The following ATAD2B variants were observed in gnomAD, a reference collection of about 807,000 sequenced individuals.
The protein encoded by ATAD2B is ATPase family AAA domain-containing protein 2B.
ATAD2B carries 40 observed loss-of-function variants against 167.6 expected under a neutral mutation model. The observed-to-expected ratio is 0.24, with a 90% CI of 0.19 to 0.31. The LOEUF (loss-of-function observed/expected upper bound fraction) is 0.31. Among genes scored for constraint, ATAD2B ranks in the 10% least tolerant of loss-of-function variants. ATAD2B has a pLI of 1.00. For missense variants in ATAD2B, 1,242 were observed against 1,757.2 expected, an observed-to-expected ratio of 0.71 and a Z score of 5.24; for synonymous variants, 579 against 596.5, an observed-to-expected ratio of 0.97 and a Z score of 0.43.
chr2:23,918,028 CAA>C lies in ATAD2B; in HGVS notation c.216+8525_216+8526del, dbSNP rs1191822718. Among the ~76,000 whole-genome samples the C allele has an allele frequency of 2.6e-5, 4 of 151,322 alleles. No individual in the cohort carries two copies. The East Asian group carries it at 5.8e-4, about 22-fold the overall frequency. On this transcript the variant is annotated intron_variant, in intron 1 of 27. Transcript: ENST00000238789. ...AGTCATTGAACTCCAGCCTGGGCAA[CAA>C]GAGCGAAACTCCATCTCAAAAAAAA...
intron 1 of ATAD2B, among the ~76,000 whole-genome samples, chr2:23,903,996 G>A (rs1463332596): frequency 6.6e-6 from 1 of 152,082 alleles, no homozygotes; most frequent in Admixed American, 6.6e-5. Flanking sequence ...CAGGGAACAG[G>A]TGATGACGGG....
chr2:23,680,851 A>C, the ATAD2B span, among the ~76,000 whole-genome samples: 1 of 151,970 alleles, frequency 6.6e-6, no homozygotes, highest in Admixed American at 6.5e-5. The surrounding 1 kb of genome is among the most constrained non-coding windows in gnomAD (Gnocchi z 4.1). Context: ...AGAATCCTGG[A>C]GCAGGATAGT....
At chr2:23,713,851 T>G in the ATAD2B span, among the ~76,000 whole-genome samples, 1 of 152,228 alleles carries the variant, frequency 6.6e-6, no homozygotes, top group Non-Finnish European at 1.5e-5. Flanking sequence ...ATTGAACATT[T>G]GGGTTATTTC....
Position 23,867,860 on chromosome 2 carries a change from A to C in ATAD2B, c.1163T>G (p.Val388Gly). 1 of 1,612,748 alleles carries C rather than the reference A, an allele frequency of 6.2e-7. No individual in the cohort carries two copies. The highest frequency in any genetic ancestry group is 1.3e-5 in the African/African-American group (1 of 75,010). The change falls in exon 10 of 28, where the codon GTT becomes GGT. Residue 388 changes from valine (V) to glycine (G), a missense_variant. Val to Gly is a moderately radical substitution (Grantham distance 109). This residue lies in a region of ATAD2B where 127 missense variants were observed against 146.3 expected (regional missense o/e 0.87). Coordinates refer to ENST00000238789, the MANE Select transcript of ATAD2B (RefSeq NM_017552.4). ...TGATTTATCAATGTTCATTGGATCA[A>C]CATCAGCCAAGCTTGCACCCACTTT... is the stretch of plus-strand genomic sequence containing the variant. The part of the protein sequence containing the change: ...RVKVGASLAD[V>G]DPMNIDKSVR...
the ATAD2B span, chr2:23,703,923 T>A: frequency 6.8e-7 from 1 of 1,470,268 alleles, no homozygotes; most frequent in Non-Finnish European, 9.0e-7. Flanking sequence ...AGGAGGGGTG[T>A]GACCACAATG....
At chr2:23,678,957 A>C in the ATAD2B span, among the ~76,000 whole-genome samples, 1 of 152,138 alleles carries the variant, frequency 6.6e-6, no homozygotes, top group South Asian at 2.1e-4. Flanking sequence ...TCCGTTTGTG[A>C]AGATGAAAAG....
intron 22 of ATAD2B, among the ~76,000 whole-genome samples, chr2:23,771,992 C>T (rs752039504): frequency 1.2e-4 from 19 of 152,192 alleles, no homozygotes; most frequent in Non-Finnish European, 2.6e-4. Context: ...GGCTGCTCCT[C>T]CTGGGGCTGG....
At chr2:23,880,803 C>A in intron 6 of ATAD2B, 48 bp from the exon 7 acceptor site, 1 of 1,127,630 alleles carries the variant, frequency 8.9e-7, no homozygotes, top group South Asian at 1.3e-5. Flanking sequence ...TATTTTAATT[C>A]AAAAGGATTG....
At chr2:23,706,388 G>C in the ATAD2B span, 3 of 999,502 alleles carry the variant, frequency 3.0e-6, no homozygotes, top group South Asian at 7.5e-5. Flanking sequence ...AAAAGGCACA[G>C]GCAGCCTACA....
the ATAD2B span, among the ~76,000 whole-genome samples, chr2:23,716,427 T>C: frequency 7.0e-6 from 1 of 141,846 alleles, no homozygotes; most frequent in Non-Finnish European, 1.5e-5. Context: ...GCACCTAAGG[T>C]GGGACCTTTC....
At chr2:23,808,138 T>TTATATATATAATTATATATATAAG (rs1470177171) in intron 18 of ATAD2B, among the ~76,000 whole-genome samples, 1 of 115,466 alleles carries the variant, frequency 8.7e-6, no homozygotes, top group African/African-American at 3.5e-5. Flanking sequence ...ATATAAGTGA[T>TTATATATATAATTATATATATAAG]TACTTATATT....
At chr2:23,798,611 C>T (rs563418242) in intron 18 of ATAD2B, among the ~76,000 whole-genome samples, 7 of 151,868 alleles carry the variant, frequency 4.6e-5, no homozygotes, top group Non-Finnish European at 7.4e-5. Flanking sequence ...AATTGCTCCA[C>T]TTATCTAGCA....
chr2:23,728,538 A>C, the ATAD2B span, among the ~76,000 whole-genome samples: 1 of 152,222 alleles, frequency 6.6e-6, no homozygotes, highest in Non-Finnish European at 1.5e-5. Flanking sequence ...TAAAACCAAA[A>C]GAAACTAACT....
intron 1 of ATAD2B, among the ~76,000 whole-genome samples, chr2:23,912,193 A>C (rs1287138336): frequency 6.6e-6 from 1 of 152,188 alleles, no homozygotes; most frequent in Non-Finnish European, 1.5e-5. Context: ...GAAGTAATTA[A>C]CAAAACTATA....
In ATAD2B at chr2:23,920,707, C is replaced by CA. The variant is rs1297572820; in HGVS notation, c.216+5847dup. ...AGATAAAACTACAAAACTTACTGCT[C>CA]AAAAAAAAAATCTAACTTATATTTA... is the stretch of plus-strand genomic sequence containing the variant. On this transcript the variant is annotated intron_variant, in intron 1 of 27. Coordinates refer to ENST00000238789, the MANE Select transcript of ATAD2B (RefSeq NM_017552.4). Among the ~76,000 whole-genome samples, 1,114 of 149,008 alleles carry CA rather than the reference C, an allele frequency of 7.5e-3. 19 individuals carry two copies. Among genetic ancestry groups the CA allele is most frequent in the African/African-American group, 0.026 (1,041 of 40,742 alleles).
chr2:23,812,613 A>T (rs906427105), intron 17 of ATAD2B, among the ~76,000 whole-genome samples: 1 of 152,188 alleles, frequency 6.6e-6, no homozygotes, highest in Non-Finnish European at 1.5e-5. Context: ...CTGTAATCCC[A>T]GCACTTTGGG....
chr2:23,845,282 TCATAATAGCC>T (rs1247653867), intron 13 of ATAD2B, among the ~76,000 whole-genome samples: 1 of 152,190 alleles, frequency 6.6e-6, no homozygotes, highest in East Asian at 1.9e-4. Flanking sequence ...ACAGTAATAT[TCATAATAGCC>T]CAAACTGGAA....
rs1300873695 is a variant in ATAD2B, at chr2:23,762,301, G to C, written c.3302C>G (p.Ala1101Gly). Residue 1101 changes from alanine to glycine, a missense_variant, in exon 24 of 28, where the codon GCT (alanine) becomes GGT (glycine). Ala to Gly is a moderately conservative substitution (Grantham distance 60). Around this residue, in one of 9 missense-constraint regions of ATAD2B, gnomAD observed 204 missense variants for 324.0 expected, o/e 0.63. Transcript: ENST00000238789. ...SEQINPHSTGARKTETRVEEA... is the reference protein window; with the variant it reads ...SEQINPHSTGGRKTETRVEEA... ...TTCGACTCTAGTTTCTGTCTTCCGA[G>C]CTCCAGTACTATGAGGATTTATTTG... The C allele has an allele frequency of 2.5e-6, 4 of 1,613,284 alleles. No homozygotes were observed. Among genetic ancestry groups the C allele is most frequent in the Non-Finnish European group, 2.5e-6 (3 of 1,179,678 alleles).
Position 23,926,842 on chromosome 2 carries a change from G to A in ATAD2B, c.-72C>T. 6.9e-7 allele frequency: 1 copy of A among 1,443,100 alleles called. No individual in the cohort carries two copies. The highest frequency in any genetic ancestry group is 9.1e-7 in the Non-Finnish European group (1 of 1,098,216). The allele number at this position is 1,443,100 out of a possible 1,614,324, so 89.4% of individuals were successfully genotyped here. Reference sequence around the variant, plus strand: ...GCAAGGCCGGCCCGCCGGCCGGTCAGTCAGGGCCAGCGGAGCCGAGCCGGG... The same window carrying A: ...GCAAGGCCGGCCCGCCGGCCGGTCAATCAGGGCCAGCGGAGCCGAGCCGGG... On this transcript the variant is annotated 5_prime_UTR_variant, in exon 1 of 28. Transcript: ENST00000238789.
Sources: allele counts gnomAD v4.1 joint callset (sites outside exome capture counted in the v4.1 genomes callset), GRCh38; gene constraint gnomAD v4.1.1; regional missense constraint gnomAD v4.1.1; non-coding constraint Gnocchi (gnomAD v3.1); transcripts MANE v1.5; gene names NCBI Gene and HGNC (gene_info 2026-07-23, HGNC 2026-07-21).